The following OPN3 variants were observed in gnomAD, a reference collection of about 807,000 sequenced individuals.
OPN3 encodes the protein opsin-3.
In OPN3, 29 loss-of-function variants were observed where a neutral mutation model predicts 33.8. The ratio of observed to expected loss-of-function variants is 0.86; its 90% CI spans 0.64 to 1.17. OPN3 has a LOEUF of 1.17. Among genes scored for constraint, OPN3 ranks in the 50% most tolerant of loss-of-function variants. The pLI is 0.00. For missense variants in OPN3, 437 were observed against 514.1 expected, an observed-to-expected ratio of 0.85 and a Z score of 1.45; for synonymous variants, 216 against 216.1, an observed-to-expected ratio of 1.00 and a Z score of 0.00.
At chr1:241,613,170 C>A (rs960824663) in intron 1 of OPN3, among the ~76,000 whole-genome samples, 1 of 152,152 alleles carries the variant, frequency 6.6e-6, no homozygotes, top group African/African-American at 2.4e-5. Flanking sequence ...ATTTAATTAA[C>A]AATAGTAATT....
intron 1 of OPN3, chr1:241,614,180 A>G (rs1303942323): frequency 6.6e-6 from 1 of 152,146 alleles, no homozygotes; most frequent in Non-Finnish European, 1.5e-5. Context: ...AATTAAAAAA[A>G]AAAATTATGA....
chr1:241,597,092 A>G (rs1347861200), intron 3 of OPN3, among the ~76,000 whole-genome samples: 2 of 152,162 alleles, frequency 1.3e-5, no homozygotes, highest in South Asian at 4.1e-4. Context: ...AGCATGCCCA[A>G]GTGCTGGGTT....
intron 1 of OPN3, chr1:241,635,205 T>C (rs1041352489): frequency 1.7e-5 from 27 of 1,613,154 alleles, no homozygotes; most frequent in South Asian, 2.2e-5. Context: ...ACTGTGTGCA[T>C]ACAAGTTTTA....
intron 1 of OPN3, among the ~76,000 whole-genome samples, chr1:241,622,737 C>A (rs559086641): frequency 2.0e-5 from 3 of 152,230 alleles, no homozygotes; most frequent in Non-Finnish European, 4.4e-5. Flanking sequence ...TTCCTCTTGG[C>A]TTCTATAACA....
intron 1 of OPN3, chr1:241,634,812 G>A (rs1664813703): frequency 1.2e-6 from 2 of 1,613,586 alleles, no homozygotes; most frequent in Non-Finnish European, 1.7e-6. Flanking sequence ...AATGAACACT[G>A]CCTGAAAGCT....
intron 1 of OPN3, among the ~76,000 whole-genome samples, chr1:241,625,028 T>A (rs1159630760): frequency 6.6e-6 from 1 of 152,232 alleles, no homozygotes; most frequent in Non-Finnish European, 1.5e-5. Flanking sequence ...TAGTTACAAT[T>A]TCATCTCTGT....
At chr1:241,601,776 A>G (rs1294996955) in intron 2 of OPN3, among the ~76,000 whole-genome samples, 2 of 152,196 alleles carry the variant, frequency 1.3e-5, no homozygotes, top group East Asian at 3.9e-4. Context: ...TGTAAGTGGC[A>G]TGGATAAGAA....
At chr1:241,638,479 T>C (rs1664988229) in intron 1 of OPN3, among the ~76,000 whole-genome samples, 1 of 152,232 alleles carries the variant, frequency 6.6e-6, no homozygotes, top group African/African-American at 2.4e-5. Context: ...CAAACACCTG[T>C]TGACTACCCT....
At chr1:241,607,448 A>G (rs571390708) in intron 1 of OPN3, among the ~76,000 whole-genome samples, 1 of 152,192 alleles carries the variant, frequency 6.6e-6, no homozygotes, top group South Asian at 2.1e-4. Flanking sequence ...TCGGAGACAG[A>G]GGTTGCAGTG....
intron 2 of OPN3, among the ~76,000 whole-genome samples, chr1:241,599,490 C>G (rs1256184285): frequency 6.6e-6 from 1 of 151,804 alleles, no homozygotes; most frequent in Non-Finnish European, 1.5e-5. Flanking sequence ...AAAAAGGTTA[C>G]CTTTAAAGGT....
chr1:241,624,202 T>C (rs966574534), intron 1 of OPN3, among the ~76,000 whole-genome samples: 9 of 143,558 alleles, frequency 6.3e-5, no homozygotes, highest in African/African-American at 1.0e-4. Context: ...AGGCACTCTA[T>C]GCTCCAGACA....
intron 1 of OPN3, among the ~76,000 whole-genome samples, chr1:241,615,205 T>TAA (rs56262278): frequency 1.5e-4 from 17 of 113,976 alleles, no homozygotes; most frequent in African/African-American, 3.1e-4. Context: ...GGCCAAAGTC[T>TAA]AAAAAAAAAA....
chr1:241,628,604 G>A (rs1664493292), intron 1 of OPN3, among the ~76,000 whole-genome samples: 1 of 151,946 alleles, frequency 6.6e-6, no homozygotes, highest in Non-Finnish European at 1.5e-5. Flanking sequence ...AGTATATGAC[G>A]TCTTCATGCT....
intron 1 of OPN3, 28 bp downstream of exon 1, chr1:241,639,854 G>A (rs758569925): frequency 1.3e-5 from 20 of 1,491,158 alleles, no homozygotes; most frequent in African/African-American, 1.4e-5. Context: ...TTGCAGAGGG[G>A]AGGCTGCCTT....
chr1:241,640,021 G>A lies in OPN3; in HGVS notation c.234C>T (p.Leu78=), dbSNP rs1351653921. 1 of 1,613,576 alleles carries A rather than the reference G, an allele frequency of 6.2e-7. No homozygotes were observed. The highest frequency in any genetic ancestry group is 1.1e-5 in the South Asian group (1 of 91,020). Residue 78 remains leucine, a synonymous_variant, in exon 1 of 4, where the codon CTC becomes CTT. Coordinates refer to ENST00000366554, the MANE Select transcript of OPN3 (RefSeq NM_014322.3). ...CGCTGAGGCTGATGTTGACCAGGAG[G>A]AGGTGAGTGGGAGTGCGGAGCCGCT... ...KFQRLRTPTH[L]LLVNISLSDL... is the part of the protein sequence containing the mutation.
intron 1 of OPN3, among the ~76,000 whole-genome samples, chr1:241,637,869 A>C (rs1664959590): frequency 6.6e-6 from 1 of 152,116 alleles, no homozygotes; most frequent in Admixed American, 6.5e-5. Context: ...GCCTCTCCAA[A>C]AGCCTCTGCA....
chr1:241,620,493 C>G (rs914487517), intron 1 of OPN3, among the ~76,000 whole-genome samples: 1 of 152,108 alleles, frequency 6.6e-6, no homozygotes, highest in Non-Finnish European at 1.5e-5. Flanking sequence ...AACTCTGGTT[C>G]TCTTTCTGCC....
chr1:241,597,965 T>C lies in OPN3; in HGVS notation c.726A>G (p.Gln242=). Residue 242 remains glutamine (Q), a synonymous_variant, in exon 3 of 4, where the codon CAA becomes CAG. Coordinates refer to ENST00000366554, the MANE Select transcript of OPN3 (RefSeq NM_014322.3). The stretch of plus-strand genomic sequence containing the variant: ...TTTCATATTTTAAAATCTTGATCAC[T>C]TGAATTGTCTGAAGATCTTCCACAC... ...LRCVEDLQTI[Q]VIKILKYEKK... 6.2e-7 allele frequency: 1 copy of C among 1,613,760 alleles called. No homozygotes were observed. Among genetic ancestry groups the C allele is most frequent in the Non-Finnish European group, 8.5e-7 (1 of 1,179,912 alleles).
At chr1:241,605,067 A>AAT (rs1553354027) in intron 1 of OPN3, among the ~76,000 whole-genome samples, 6 of 90,946 alleles carry the variant, frequency 6.6e-5, no homozygotes, top group South Asian at 6.6e-4. Flanking sequence ...AAAAAAAAAA[A>AAT]AATAAAATAA....
Sources: gnomAD v4.1 joint callset for allele counts (sites outside exome capture counted in the v4.1 genomes callset) on GRCh38, gnomAD v4.1.1 for gene constraint, MANE v1.5 for transcripts, NCBI Gene and HGNC (gene_info 2026-07-23, HGNC 2026-07-21) for gene names.